Variants in MMS22L observed in about 807,000 individuals in gnomAD.
The protein encoded by MMS22L is protein MMS22-like.
MMS22L carries 74 observed loss-of-function variants against 159.1 expected under a neutral mutation model. That is an observed-to-expected ratio of 0.47 (90% CI 0.39 to 0.56). MMS22L has a LOEUF of 0.56. Among genes scored for constraint, MMS22L ranks in the 20% least tolerant of loss-of-function variants. The pLI is 0.00. For missense variants in MMS22L, 1,351 were observed against 1,422.1 expected, an observed-to-expected ratio of 0.95 and a Z score of 0.80; for synonymous variants, 517 against 506.9, an observed-to-expected ratio of 1.02 and a Z score of -0.27.
intron 11 of MMS22L, among the ~76,000 whole-genome samples, chr6:97,245,020 A>G (rs1404551709): frequency 6.6e-6 from 1 of 152,130 alleles, no homozygotes; most frequent in Non-Finnish European, 1.5e-5. Flanking sequence ...CCATGCAGCC[A>G]GCAAGGTCAG....
intron 14 of MMS22L, among the ~76,000 whole-genome samples, chr6:97,217,413 C>T (rs1409748018): frequency 6.6e-6 from 1 of 151,856 alleles, no homozygotes; most frequent in Non-Finnish European, 1.5e-5. Flanking sequence ...ACCACCACGC[C>T]CAGCTAATTT....
chr6:97,282,791 G>A (rs1432100071), intron 1 of MMS22L, among the ~76,000 whole-genome samples: 1 of 152,210 alleles, frequency 6.6e-6, no homozygotes, highest in Non-Finnish European at 1.5e-5. Flanking sequence ...AGGACAAGGT[G>A]AAAAGCAAAG....
rs1461993960 is a variant in MMS22L, at chr6:97,143,618, G to A, written c.*3188C>T. 2.0e-5 allele frequency: 3 copies of A among 152,174 alleles called. No individual in the cohort carries two copies. Among genetic ancestry groups the A allele is most frequent in the African/African-American group, 7.2e-5 (3 of 41,454 alleles). 9.4% of individuals were successfully genotyped at this position (152,174 alleles called of 1,614,324 possible). On this transcript the variant is annotated 3_prime_UTR_variant, in exon 25 of 25. Transcript: ENST00000683635. ...CAGTGGATGCAAGGCACTGCAAAAAGATAAAAAGAAGCCTAAGATCCTGTA... is the reference window on the plus strand; with the variant it reads ...CAGTGGATGCAAGGCACTGCAAAAAAATAAAAAGAAGCCTAAGATCCTGTA...
chr6:97,223,991 T>G (rs1274680314), intron 14 of MMS22L, among the ~76,000 whole-genome samples: 1 of 152,212 alleles, frequency 6.6e-6, no homozygotes, highest in Non-Finnish European at 1.5e-5. Context: ...GAACATGATT[T>G]GATGGGTTTT....
intron 15 of MMS22L, among the ~76,000 whole-genome samples, chr6:97,182,889 C>A (rs1224896976): frequency 6.6e-6 from 1 of 152,030 alleles, no homozygotes; most frequent in African/African-American, 2.4e-5. Flanking sequence ...CCTAGTTCAC[C>A]TCCTCCTCTC....
In MMS22L at chr6:97,231,518, A is replaced by G. The variant is rs754689999; in HGVS notation, c.1437T>C (p.Ser479=). The change falls in exon 13 of 25, where the codon AGT becomes AGC. Residue 479 remains serine (S), a synonymous_variant. Transcript: ENST00000683635. ...KQDQELYKSS[S]SYTIFLCILA... ...GAATACAAAGAAAAATAGTATAACT[A>G]CTGCTGGATTTATATAGTTCCTGAT... is the stretch of plus-strand genomic sequence containing the variant. 5.0e-6 allele frequency: 8 copies of G among 1,613,438 alleles called. No individual in the cohort carries two copies. Among genetic ancestry groups the G allele is most frequent in the Non-Finnish European group, 5.9e-6 (7 of 1,179,562 alleles).
At position 97,162,245 on chromosome 6, in the gene MMS22L, T is replaced by C. The variant is rs998815030; in HGVS notation, c.3222-80A>G. ...CCAAATGGCATATAATTTAAAGATA[T>C]TGGCAAAATTTACCCCCCAAATTAA... On this transcript the variant is annotated intron_variant, in intron 21 of 24. Coordinates refer to ENST00000683635, the MANE Select transcript of MMS22L (RefSeq NM_001350599.2). 43 of 1,239,008 alleles carry C rather than the reference T, an allele frequency of 3.5e-5. No individual in the cohort carries two copies. In the African/African-American group the frequency reaches 5.8e-4, roughly 17 times the overall value. The allele number at this position is 1,239,008 out of a possible 1,614,324, so 76.8% of individuals were successfully genotyped here.
In MMS22L at chr6:97,233,877, T is replaced by C. The variant is rs1402831222; in HGVS notation, c.1286A>G (p.Tyr429Cys). The C allele has an allele frequency of 1.2e-6, 2 of 1,608,346 alleles. No individual in the cohort carries two copies. The highest frequency in any genetic ancestry group is 2.2e-5 in the South Asian group (2 of 89,700). The change falls in exon 12 of 25, where the codon TAT becomes TGT. Residue 429 changes from tyrosine (Y) to cysteine (C), a missense_variant. By Grantham distance (194) the Tyr-to-Cys change is radical. Transcript: ENST00000683635. ...NIAIVTILWEYYSKNLNSSFS... is the reference protein window; with the variant it reads ...NIAIVTILWECYSKNLNSSFS... Reference sequence around the variant, plus strand: ...TTCACTCACCAGGTTCTTACTATAATATTCCCATAAAATGGTAACAATTGC... The same window carrying C: ...TTCACTCACCAGGTTCTTACTATAACATTCCCATAAAATGGTAACAATTGC...
At chr6:97,257,626 G>A (rs760267907) in intron 9 of MMS22L, among the ~76,000 whole-genome samples, 3 of 151,948 alleles carry the variant, frequency 2.0e-5, no homozygotes, top group East Asian at 1.9e-4. Flanking sequence ...TAAAGATTAC[G>A]TCTCTATGTT....
rs556941771 is a variant in MMS22L at position 97,271,831 on chromosome 6, C to T, written c.606+873G>A. 4 of 152,262 alleles carry T rather than the reference C, an allele frequency of 2.6e-5. No individual in the cohort carries two copies. The East Asian group carries it at 7.7e-4, about 29-fold the overall frequency. 9.4% of individuals were successfully genotyped at this position (152,262 alleles called of 1,614,324 possible). A position where few individuals can be genotyped will look rare whatever the true frequency, so the allele number is the denominator to read the frequency against. ...GGACTACAAGGTATGTGCCACCACA[C>T]TGGACTAACTTTTTAATTTTTTGTA... On this transcript the variant is annotated intron_variant, in intron 6 of 24. Transcript: ENST00000683635.
Position 97,199,001 on chromosome 6 carries a change from G to C in MMS22L, c.2040-12311C>G, listed in dbSNP as rs143939782. Among the ~76,000 whole-genome samples the C allele has an allele frequency of 8.5e-3, 1,297 of 152,150 alleles. 8 individuals are homozygous for C. Among genetic ancestry groups the C allele is most frequent in the Middle Eastern group, 0.024 (7 of 294 alleles). ...GAACCTATGGAGACCACCTTTTAAA[G>C]CTAATTAATAAAACTATCCTCTAAA... On this transcript the variant is annotated intron_variant, in intron 14 of 24. Transcript: ENST00000683635.
chr6:97,282,688 CAT>C, intron 1 of MMS22L, 135 bp from the exon 2 acceptor site: 1 of 504,708 alleles, frequency 2.0e-6, no homozygotes, highest in East Asian at 3.6e-5. Context: ...GCCCTCCGTC[CAT>C]CAAGGCTGTC....
chr6:97,166,413 G>T (rs1447641206), intron 20 of MMS22L, among the ~76,000 whole-genome samples: 3 of 151,960 alleles, frequency 2.0e-5, no homozygotes, highest in Non-Finnish European at 4.4e-5. Context: ...TTGTAAACGG[G>T]TACTTACCCA....
chr6:97,166,644 G>A (rs1802988563), intron 20 of MMS22L, among the ~76,000 whole-genome samples: 1 of 152,104 alleles, frequency 6.6e-6, no homozygotes, highest in African/African-American at 2.4e-5. Flanking sequence ...GGAGAGCTGG[G>A]TACCATGAAG....
chr6:97,174,512 T>C (rs527761250), intron 18 of MMS22L, among the ~76,000 whole-genome samples: 2 of 152,136 alleles, frequency 1.3e-5, no homozygotes, highest in South Asian at 4.2e-4. Flanking sequence ...TGTGAGAATG[T>C]TGGTAAGAGT....
chr6:97,251,104 A>G (rs967660537), intron 10 of MMS22L, among the ~76,000 whole-genome samples: 2 of 152,200 alleles, frequency 1.3e-5, no homozygotes, highest in African/African-American at 4.8e-5. Context: ...ATTAAGCTGA[A>G]ACACTTTGAG....
intron 14 of MMS22L, among the ~76,000 whole-genome samples, chr6:97,200,460 C>T (rs1005655165): frequency 2.4e-4 from 37 of 152,038 alleles, no homozygotes; most frequent in African/African-American, 2.7e-4. Flanking sequence ...TTTATTATAG[C>T]ACTAATTTCT....
At chr6:97,237,220 A>T (rs1811515916) in intron 11 of MMS22L, among the ~76,000 whole-genome samples, 1 of 152,220 alleles carries the variant, frequency 6.6e-6, no homozygotes, top group South Asian at 2.1e-4. Context: ...CTATTAAGAA[A>T]TTGAAAGGAC....
At chr6:97,269,018 G>A (rs1815451691) in intron 7 of MMS22L, among the ~76,000 whole-genome samples, 1 of 151,620 alleles carries the variant, frequency 6.6e-6, no homozygotes, top group Admixed American at 6.6e-5. Context: ...ATGCCAAAGA[G>A]CAACATCAAG....
Sources: gnomAD v4.1 joint callset for allele counts (sites outside exome capture counted in the v4.1 genomes callset) on GRCh38, gnomAD v4.1.1 for gene constraint, MANE v1.5 for transcripts, NCBI Gene and HGNC (gene_info 2026-07-23, HGNC 2026-07-21) for gene names.